LTBP1: variants seen among roughly 807,000 people sequenced by gnomAD.
The protein encoded by LTBP1 is latent transforming growth factor beta binding protein 1.
A neutral mutation model predicts 207.6 loss-of-function variants in LTBP1; 129 were observed. That is an observed-to-expected ratio of 0.62 (90% CI 0.54 to 0.72). The LOEUF (loss-of-function observed/expected upper bound fraction) is 0.72. LTBP1 is among the 30% of genes least tolerant of loss of function. The pLI, the probability that LTBP1 is intolerant of heterozygous loss-of-function variation, is 0.00. For missense variants in LTBP1, 2,281 were observed against 2,217.2 expected (o/e 1.03, Z -0.58); for synonymous variants, 963 against 833.7 (o/e 1.16, Z -2.67).
rs760753760 is a variant in LTBP1 at position 33,188,632 on chromosome 2, C to T, written c.1482C>T (p.Ser494=). 1.2e-5 allele frequency: 20 copies of T among 1,613,850 alleles called. No individual in the cohort carries two copies. The highest frequency in any genetic ancestry group is 1.6e-4 in the Middle Eastern group (1 of 6,084). Residue 494 remains serine (S), a synonymous_variant, in exon 7 of 34, where the codon TCC becomes TCT. Coordinates refer to ENST00000404816, the MANE Select transcript of LTBP1 (RefSeq NM_206943.4). ...NIHVKHPPEA[S]VQIHQVSRID... ...ATGTGAAACATCCTCCTGAAGCTTCCGTCCAGATACATCAGGTTTCAAGAA... is the reference window on the plus strand; with the variant it reads ...ATGTGAAACATCCTCCTGAAGCTTCTGTCCAGATACATCAGGTTTCAAGAA...
chr2:33,028,687 TACTTGTAGCA>T (rs1315223547), intron 3 of LTBP1, among the ~76,000 whole-genome samples: 1 of 152,194 alleles, frequency 6.6e-6, no homozygotes, highest in East Asian at 1.9e-4. Context: ...TTCTTTACGG[TACTTGTAGCA>T]AATGATGGGA....
At chr2:33,391,135 G>T (rs1191041751) in intron 32 of LTBP1, among the ~76,000 whole-genome samples, 1 of 147,180 alleles carries the variant, frequency 6.8e-6, no homozygotes. Context: ...GTTTTAAAAT[G>T]TCCATGATAA....
chr2:32,952,782 C>T (rs1228267724), intron 2 of LTBP1, among the ~76,000 whole-genome samples: 1 of 152,004 alleles, frequency 6.6e-6, no homozygotes, highest in African/African-American at 2.4e-5. Flanking sequence ...GAAGACTGGA[C>T]ACGGGAATAG....
rs577405343 is a variant in LTBP1 at position 33,179,683 on chromosome 2, G to A, written c.1202-7173G>A. 3.3e-4 allele frequency among the ~76,000 whole-genome samples: 46 copies of A among 140,506 alleles called. 1 individual carries two copies. The highest frequency in any genetic ancestry group is 1.4e-3 in the African/African-American group (42 of 30,612). 92.2% of individuals were successfully genotyped at this position (140,506 alleles called of 152,430 possible). The stretch of plus-strand genomic sequence containing the variant: ...AAATTTAATTAGAATCTGGCTAATG[G>A]GTTATTTAAAAATGTAAAATAAGGT... On this transcript the variant is annotated intron_variant, in intron 5 of 33. Coordinates refer to ENST00000404816, the MANE Select transcript of LTBP1 (RefSeq NM_206943.4).
intron 20 of LTBP1, 115 bp from the exon 21 acceptor site, chr2:33,300,336 A>G: frequency 2.0e-6 from 2 of 976,668 alleles, no homozygotes; most frequent in Non-Finnish European, 3.1e-6. Context: ...GTGTAGTGCC[A>G]GACATAAGAA....
Position 33,134,985 on chromosome 2 carries a change from T to C in LTBP1, c.1201+25T>C, listed in dbSNP as rs1264195476. The C allele has an allele frequency of 6.4e-7, 1 of 1,570,822 alleles. No individual in the cohort carries two copies. Among genetic ancestry groups the C allele is most frequent in the East Asian group, 2.3e-5 (1 of 43,958 alleles). ...GGTGAGTTCCTCCACGGTCCCTAAC[T>C]GTCCTTACTGAGTCGAGTTTTATGA... On this transcript the variant is annotated intron_variant, in intron 5 of 33. Coordinates refer to ENST00000404816, the MANE Select transcript of LTBP1 (RefSeq NM_206943.4). This position sits in a 1 kb window ranked among gnomAD's most constrained non-coding sequence, Gnocchi z 4.4.
chr2:33,223,795 C>T (rs1162114410), intron 9 of LTBP1, among the ~76,000 whole-genome samples: 1 of 152,048 alleles, frequency 6.6e-6, no homozygotes, highest in African/African-American at 2.4e-5. Context: ...TAAAGTCAAC[C>T]AAGTTTGTGA....
intron 3 of LTBP1, among the ~76,000 whole-genome samples, chr2:33,088,163 T>C (rs991676894): frequency 6.6e-6 from 1 of 152,200 alleles, no homozygotes; most frequent in Non-Finnish European, 1.5e-5. Flanking sequence ...TTGTTAAATA[T>C]GGACAGTGAG....
chr2:33,070,427 T>C (rs1041940721), intron 3 of LTBP1, among the ~76,000 whole-genome samples: 1 of 152,304 alleles, frequency 6.6e-6, no homozygotes, highest in East Asian at 1.9e-4. Flanking sequence ...CCATGGCTGG[T>C]GGCCACAGGC....
At chr2:33,020,533 G>C (rs1424510419) in intron 2 of LTBP1, among the ~76,000 whole-genome samples, 1 of 152,178 alleles carries the variant, frequency 6.6e-6, no homozygotes. Flanking sequence ...AAGAATGATA[G>C]CTTTGGAGCT....
chr2:33,101,315 G>C (rs451555), intron 3 of LTBP1, among the ~76,000 whole-genome samples: 118,776 of 151,716 alleles, frequency 0.78, 47,712 homozygotes, highest in Non-Finnish European at 0.89. Flanking sequence ...TTTTTCTTAA[G>C]TATACACTTA....
intron 2 of LTBP1, among the ~76,000 whole-genome samples, chr2:32,974,451 A>C (rs1218717314): frequency 6.6e-6 from 1 of 152,118 alleles, no homozygotes; most frequent in African/African-American, 2.4e-5. Flanking sequence ...TTTTCTATAG[A>C]GTTGTTTGAG....
At chr2:33,192,837 AT>A (rs1311304579) in intron 7 of LTBP1, among the ~76,000 whole-genome samples, 2 of 152,158 alleles carry the variant, frequency 1.3e-5, no homozygotes, top group Non-Finnish European at 2.9e-5. Flanking sequence ...AAGTCACCCC[AT>A]AGCAGAAGGA....
chr2:33,055,336 CAGA>C (rs1389309463), intron 3 of LTBP1, among the ~76,000 whole-genome samples: 1 of 152,194 alleles, frequency 6.6e-6, no homozygotes, highest in Non-Finnish European at 1.5e-5. Context: ...TCGAGGAAGG[CAGA>C]AGAATTTTCT....
intron 5 of LTBP1, among the ~76,000 whole-genome samples, chr2:33,172,680 C>T (rs2085582545): frequency 6.6e-6 from 1 of 152,218 alleles, no homozygotes; most frequent in Non-Finnish European, 1.5e-5. Context: ...GAACTCTCCA[C>T]CCCAAATCAA....
At chr2:33,037,060 C>T (rs75263017) in intron 3 of LTBP1, among the ~76,000 whole-genome samples, 4,149 of 152,236 alleles carry the variant, frequency 0.027, 93 homozygotes, top group Non-Finnish European at 0.042. Flanking sequence ...TTTTCTTTCA[C>T]ATTTCCTGTA....
At chr2:32,985,876 C>T (rs1683480683) in intron 2 of LTBP1, among the ~76,000 whole-genome samples, 1 of 152,036 alleles carries the variant, frequency 6.6e-6, no homozygotes, top group African/African-American at 2.4e-5. Context: ...CTGAGTGTTC[C>T]TTCACCCCTT....
intron 2 of LTBP1, among the ~76,000 whole-genome samples, chr2:33,009,973 G>A (rs1404238214): frequency 6.6e-6 from 1 of 152,204 alleles, no homozygotes; most frequent in Non-Finnish European, 1.5e-5. Flanking sequence ...CAGGAGAAGG[G>A]TCCAAGGATC....
chr2:33,291,686 T>C (rs2093777536), intron 19 of LTBP1: 1 of 152,234 alleles, frequency 6.6e-6, no homozygotes, highest in Non-Finnish European at 1.5e-5. Context: ...GGCAGTGCCA[T>C]TTCCTTGGCT....
Sources: gnomAD v4.1 joint callset for allele counts (sites outside exome capture counted in the v4.1 genomes callset) on GRCh38, gnomAD v4.1.1 for gene constraint, Gnocchi (gnomAD v3.1) non-coding constraint, MANE v1.5 for transcripts, NCBI Gene and HGNC (gene_info 2026-07-23, HGNC 2026-07-21) for gene names.